The following WDFY4 variants were observed in gnomAD, a reference collection of about 807,000 sequenced individuals.
WDFY4 encodes WDFY family member 4, also known as WD repeat- and FYVE domain-containing protein 4.
In WDFY4, 169 loss-of-function variants were observed where a neutral mutation model predicts 351.9. The ratio of observed to expected loss-of-function variants is 0.48; its 90% CI spans 0.42 to 0.55. The LOEUF is 0.55. Among genes scored for constraint, WDFY4 ranks in the 20% least tolerant of loss-of-function variants. The pLI is 0.00. For synonymous variants in WDFY4, 1,622 were observed against 1,574.6 expected (o/e 1.03, Z -0.71); for missense variants, 3,803 against 3,935.6 (o/e 0.97, Z 0.90).
At chr10:48,822,050 A>G (rs1173537682) in intron 34 of WDFY4, among the ~76,000 whole-genome samples, 7 of 152,206 alleles carry the variant, frequency 4.6e-5, no homozygotes, top group African/African-American at 1.7e-4. Context: ...CTAGTGTAGC[A>G]GCAGGGCCCC....
chr10:48,830,941 C>T lies in WDFY4; in HGVS notation c.6526+56C>T. 5 of 1,510,822 alleles carry T rather than the reference C, an allele frequency of 3.3e-6. No individual in the cohort carries two copies. In the South Asian group the frequency reaches 6.4e-5, roughly 19 times the overall value. The allele number at this position is 1,510,822 out of a possible 1,614,324, so 93.6% of individuals were successfully genotyped here. Reference sequence around the variant, plus strand: ...AACTCCTGGGTCTCACAGAGCCAGACTCCCGCAAGGTTCAACTCAGTGCCT... The same window carrying T: ...AACTCCTGGGTCTCACAGAGCCAGATTCCCGCAAGGTTCAACTCAGTGCCT... On this transcript the variant is annotated intron_variant, in intron 38 of 61. Coordinates refer to ENST00000325239, the MANE Select transcript of WDFY4 (RefSeq NM_001394531.1).
chr10:48,877,095 C>T lies in WDFY4; in HGVS notation c.7063C>T (p.Leu2355=). Residue 2355 remains leucine (L), a synonymous_variant, in exon 43 of 62, where the codon CTG becomes TTG. Coordinates refer to ENST00000325239, the MANE Select transcript of WDFY4 (RefSeq NM_001394531.1). ...PDEVGVDCTQ[L]TFFPALHESL... ...CGAGGTGGGGGTGGACTGCACCCAGCTGACCTTCTTCCCAGCCTTACACGA... is the reference window on the plus strand; with the variant it reads ...CGAGGTGGGGGTGGACTGCACCCAGTTGACCTTCTTCCCAGCCTTACACGA... The T allele has an allele frequency of 6.5e-7, 1 of 1,546,108 alleles. No homozygotes were observed. Among genetic ancestry groups the T allele is most frequent in the Non-Finnish European group, 8.7e-7 (1 of 1,143,982 alleles).
Position 48,877,073 on chromosome 10 carries a change from G to A in WDFY4, c.7041G>A (p.Glu2347=), listed in dbSNP as rs577305370. The change falls in exon 43 of 62, where the codon GAG becomes GAA. Residue 2347 remains glutamate, a synonymous_variant. Coordinates refer to ENST00000325239, the MANE Select transcript of WDFY4 (RefSeq NM_001394531.1). The part of the protein sequence containing the change: ...TLREAEGEPD[E]VGVDCTQLTF... Reference sequence around the variant, plus strand: ...GGGAGGCTGAGGGCGAGCCGGACGAGGTGGGGGTGGACTGCACCCAGCTGA... The same window carrying A: ...GGGAGGCTGAGGGCGAGCCGGACGAAGTGGGGGTGGACTGCACCCAGCTGA... The A allele has an allele frequency of 6.1e-5, 94 of 1,528,748 alleles. No individual in the cohort carries two copies. In the African/African-American group the frequency reaches 1.2e-3, roughly 19 times the overall value. 94.7% of individuals were successfully genotyped at this position (1,528,748 alleles called of 1,614,324 possible).
At chr10:48,723,676 A>G (rs775596723) in intron 5 of WDFY4, 109 bp downstream of exon 5, 151 of 1,436,846 alleles carry the variant, frequency 1.1e-4, no homozygotes, top group Non-Finnish European at 1.4e-4. Flanking sequence ...TGGTTCCTGA[A>G]CTCCTCTGTT....
In WDFY4 at chr10:48,796,384, G is replaced by T. The variant is rs1565209128; in HGVS notation, c.4344G>T (p.Glu1448Asp). 1 of 1,552,252 alleles carries T rather than the reference G, an allele frequency of 6.4e-7. No homozygotes were observed. Among genetic ancestry groups the T allele is most frequent in the Non-Finnish European group, 8.7e-7 (1 of 1,147,136 alleles). ...QLILSVAGTV[E>D]LGFRSSAITN... is the part of the protein sequence containing the mutation. ...TCCTCTCAGTGGCTGGCACTGTGGA[G>T]CTGGGCTTCAGGTCATCTGCTATCA... Residue 1448 changes from glutamate to aspartate, a missense_variant, in exon 24 of 62, where the codon GAG becomes GAT. Glu to Asp is a conservative substitution (Grantham distance 45, BLOSUM62 2). This residue lies in a region of WDFY4 where 3,054 missense variants were observed against 3,148.6 expected (regional missense o/e 0.97). Transcript: ENST00000325239.
chr10:48,820,197 G>C (rs373078090), intron 32 of WDFY4, 37 bp from the exon 33 acceptor site: 240 of 1,549,040 alleles, frequency 1.5e-4, no homozygotes, highest in Non-Finnish European at 2.0e-4. Flanking sequence ...CTTGAGGCAG[G>C]GCAGGCCACT....
chr10:48,982,639 G>C lies in WDFY4; in HGVS notation c.*64G>C. On this transcript the variant is annotated 3_prime_UTR_variant, in exon 62 of 62. Transcript: ENST00000325239. ...AGGCTGAGGGTGGCAGAGGTGACTGGGGCCTGAGCTCTGCCTACAGAAGAA... is the reference window on the plus strand; with the variant it reads ...AGGCTGAGGGTGGCAGAGGTGACTGCGGCCTGAGCTCTGCCTACAGAAGAA... 6.7e-7 allele frequency: 1 copy of C among 1,498,534 alleles called. No homozygotes were observed. The highest frequency in any genetic ancestry group is 9.1e-7 in the Non-Finnish European group (1 of 1,102,496). 92.8% of individuals were successfully genotyped at this position (1,498,534 alleles called of 1,614,324 possible).
intron 35 of WDFY4, 23 bp downstream of exon 35, chr10:48,822,560 G>A (rs1181517848): frequency 1.3e-6 from 2 of 1,506,626 alleles, no homozygotes; most frequent in Non-Finnish European, 1.8e-6. Flanking sequence ...CACTGACCGG[G>A]TATCTGTGTG....
chr10:48,833,384 C>T (rs1462128816), intron 39 of WDFY4, among the ~76,000 whole-genome samples: 1 of 152,020 alleles, frequency 6.6e-6, no homozygotes, highest in East Asian at 1.9e-4. Flanking sequence ...TACACATGGC[C>T]TCCTCATGTG....
At chr10:48,896,677 G>A (rs1837094013) in intron 44 of WDFY4, among the ~76,000 whole-genome samples, 1 of 152,068 alleles carries the variant, frequency 6.6e-6, no homozygotes, top group Non-Finnish European at 1.5e-5. Context: ...TCTTCCCTGT[G>A]GTGCCTGACC....
intron 46 of WDFY4, among the ~76,000 whole-genome samples, chr10:48,900,739 A>T (rs1055396648): frequency 2.6e-5 from 4 of 152,226 alleles, no homozygotes; most frequent in African/African-American, 7.2e-5. Flanking sequence ...CATTGGAAGG[A>T]ATTCCAAACA....
intron 42 of WDFY4, 73 bp from the exon 43 acceptor site, chr10:48,876,960 A>G: frequency 7.2e-7 from 1 of 1,385,896 alleles, no homozygotes; most frequent in Non-Finnish European, 9.5e-7. Context: ...TGATGTAGGC[A>G]CATGCTGTGC....
At chr10:48,722,184 T>A (rs955366315) in intron 4 of WDFY4, among the ~76,000 whole-genome samples, 1 of 152,152 alleles carries the variant, frequency 6.6e-6, no homozygotes, top group Admixed American at 6.5e-5. Context: ...GGGTGGTACA[T>A]GACCTGGGAA....
intron 31 of WDFY4, among the ~76,000 whole-genome samples, chr10:48,814,492 C>T (rs1399629110): frequency 1.3e-5 from 2 of 152,154 alleles, no homozygotes; most frequent in Non-Finnish European, 2.9e-5. Flanking sequence ...GGCATGGAGT[C>T]TTCGGGAGTG....
At chr10:48,843,985 G>A (rs2068692276) in intron 39 of WDFY4, among the ~76,000 whole-genome samples, 2 of 152,234 alleles carry the variant, frequency 1.3e-5, no homozygotes, top group South Asian at 4.1e-4. Flanking sequence ...CCGTGGAGGG[G>A]AGAATCAGTC....
intron 20 of WDFY4, among the ~76,000 whole-genome samples, chr10:48,787,957 CTTCTTCT>C (rs2066531744): frequency 8.1e-6 from 1 of 123,746 alleles, no homozygotes; most frequent in African/African-American, 3.4e-5. Flanking sequence ...TCTTCTTCTT[CTTCTTCT>C]TCTTCTTCTT....
chr10:48,976,046 C>T (rs1259381199), intron 58 of WDFY4, among the ~76,000 whole-genome samples: 3 of 152,164 alleles, frequency 2.0e-5, no homozygotes, highest in African/African-American at 7.2e-5. Context: ...TGATTTCAGT[C>T]TGTGCTTGCT....
chr10:48,942,759 C>T (rs540974648), intron 48 of WDFY4, among the ~76,000 whole-genome samples: 2 of 152,312 alleles, frequency 1.3e-5, no homozygotes, highest in East Asian at 3.9e-4. Flanking sequence ...ACTCATTCAG[C>T]GGCCTTGGTG....
intron 3 of WDFY4, 139 bp from the exon 4 acceptor site, chr10:48,721,122 G>A (rs897601168): frequency 3.9e-5 from 28 of 719,872 alleles, no homozygotes; most frequent in Admixed American, 1.3e-4. Flanking sequence ...AGATGCAGGT[G>A]GCCTTGGGGA....
Sources: allele counts gnomAD v4.1 joint callset (sites outside exome capture counted in the v4.1 genomes callset), GRCh38; gene constraint gnomAD v4.1.1; regional missense constraint gnomAD v4.1.1; transcripts MANE v1.5; gene names NCBI Gene and HGNC (gene_info 2026-07-23, HGNC 2026-07-21).